The following DHX35 variants were observed in gnomAD, a reference collection of about 807,000 sequenced individuals.
DHX35 encodes probable ATP-dependent RNA helicase DHX35.
DHX35 carries 84 observed loss-of-function variants against 99.6 expected under a neutral mutation model. The observed-to-expected ratio is 0.84, with a 90% CI of 0.71 to 1.01. DHX35 has a LOEUF of 1.01. DHX35 is among the 50% of genes least tolerant of loss of function. The pLI is 0.00. For missense variants in DHX35, 852 were observed against 888.5 expected, an observed-to-expected ratio of 0.96 and a Z score of 0.52; for synonymous variants, 331 against 316.2, an observed-to-expected ratio of 1.05 and a Z score of -0.50.
chr20:38,970,469 G>A (rs988181952), intron 2 of DHX35, among the ~76,000 whole-genome samples: 2 of 152,206 alleles, frequency 1.3e-5, no homozygotes, highest in African/African-American at 4.8e-5. Flanking sequence ...TTCAGGAGAT[G>A]AAATGATAGG....
intron 1 of DHX35, among the ~76,000 whole-genome samples, chr20:38,963,406 A>G (rs1028857699): frequency 6.6e-6 from 1 of 152,206 alleles, no homozygotes; most frequent in Admixed American, 6.5e-5. Flanking sequence ...GACCATGCAT[A>G]TAAGTGATGT....
At chr20:39,036,726 C>CCAAAAAAAAAAAAAAA (rs1568767834) in intron 21 of DHX35, among the ~76,000 whole-genome samples, 8 of 51,664 alleles carry the variant, frequency 1.5e-4, no homozygotes, top group African/African-American at 5.5e-4. Flanking sequence ...ACTGTCCCCC[C>CCAAAAAAAAAAAAAAA]AAAAAAAAAA....
At position 38,984,841 on chromosome 20, in the gene DHX35, T is replaced by G. The variant is rs576986002; in HGVS notation, c.345+1065T>G. Among the ~76,000 whole-genome samples, 14 of 152,314 alleles carry G rather than the reference T, an allele frequency of 9.2e-5. 1 individual carries two copies. The South Asian group carries it at 2.7e-3, about 29-fold the overall frequency. On this transcript the variant is annotated intron_variant, in intron 4 of 21. Transcript: ENST00000252011. ...GTTATTTTCTATGGTTTTGCTAACC[T>G]TGAATTGCTTGTTTTGCTTTTATTT...
chr20:38,990,378 G>A (rs917499308), intron 5 of DHX35, among the ~76,000 whole-genome samples: 5 of 152,294 alleles, frequency 3.3e-5, no homozygotes, highest in Middle Eastern at 3.4e-3. Flanking sequence ...AATTCAGTAC[G>A]TTAAGAAGGC....
At chr20:39,022,039 T>C (rs1430608791) in intron 16 of DHX35, 104 bp downstream of exon 16, 1 of 1,099,852 alleles carries the variant, frequency 9.1e-7, no homozygotes, top group Non-Finnish European at 1.4e-6. Context: ...GCTGTACAAA[T>C]GTGATCTGCT....
Position 38,969,147 on chromosome 20 carries a change from C to T in DHX35, c.107C>T (p.Thr36Met), listed in dbSNP as rs778204329. Reference protein sequence around the residue: ...RQSLAENSGTTVVYNPYAALS... With the variant: ...RQSLAENSGTMVVYNPYAALS... Reference sequence around the variant, plus strand: ...AGTCTGGCTGAAAACTCTGGGACAACGGTTGTTTACAACCCTTATGCTGCC... The same window carrying T: ...AGTCTGGCTGAAAACTCTGGGACAATGGTTGTTTACAACCCTTATGCTGCC... Residue 36 changes from threonine (T) to methionine (M), a missense_variant, in exon 2 of 22, where the codon ACG (threonine) becomes ATG (methionine). Coordinates refer to ENST00000252011, the MANE Select transcript of DHX35 (RefSeq NM_021931.4). 83 of 1,613,792 alleles carry T rather than the reference C, an allele frequency of 5.1e-5. No individual in the cohort carries two copies. The East Asian group carries it at 6.7e-4, about 13-fold the overall frequency.
chr20:38,987,808 A>G (rs757905083), intron 4 of DHX35, among the ~76,000 whole-genome samples: 7 of 151,928 alleles, frequency 4.6e-5, no homozygotes, highest in Non-Finnish European at 1.0e-4. Flanking sequence ...TGGATTTTTT[A>G]TTGATCTTCT....
rs1313342639 is a variant in DHX35, at chr20:39,006,075, G to T, written c.1012-71G>T. 6 of 1,521,900 alleles carry T rather than the reference G, an allele frequency of 3.9e-6. No homozygotes were observed. In the East Asian group the frequency reaches 9.1e-5, roughly 23 times the overall value. 94.3% of individuals were successfully genotyped at this position (1,521,900 alleles called of 1,614,324 possible). A position where few individuals can be genotyped will look rare whatever the true frequency, so the allele number is the denominator to read the frequency against. On this transcript the variant is annotated intron_variant, in intron 11 of 21. Coordinates refer to ENST00000252011, the MANE Select transcript of DHX35 (RefSeq NM_021931.4). Reference sequence around the variant, plus strand: ...AATGTTGGAAATGTTAAATCTTTTAGGATTTTTACGAGTTTGTTAAAAGCA... The same window carrying T: ...AATGTTGGAAATGTTAAATCTTTTATGATTTTTACGAGTTTGTTAAAAGCA...
intron 14 of DHX35, among the ~76,000 whole-genome samples, chr20:39,017,187 A>G (rs772163872): frequency 9.2e-5 from 14 of 152,134 alleles, no homozygotes; most frequent in Non-Finnish European, 1.9e-4. Context: ...ATCCATTTTA[A>G]GTTACTTTTT....
At chr20:38,971,536 C>T (rs1328026259) in intron 2 of DHX35, among the ~76,000 whole-genome samples, 1 of 152,042 alleles carries the variant, frequency 6.6e-6, no homozygotes, top group Non-Finnish European at 1.5e-5. Flanking sequence ...TCTGTTTAGA[C>T]CCAGTCTTAT....
intron 1 of DHX35, among the ~76,000 whole-genome samples, chr20:38,964,880 T>G (rs2085888343): frequency 6.6e-6 from 1 of 152,140 alleles, no homozygotes; most frequent in African/African-American, 2.4e-5. Context: ...ACCTGGGAGC[T>G]TAGAGGAGGT....
intron 2 of DHX35, among the ~76,000 whole-genome samples, chr20:38,972,095 C>T (rs753602546): frequency 6.6e-6 from 1 of 151,028 alleles, no homozygotes; most frequent in Non-Finnish European, 1.5e-5. Context: ...TGCAGCCTCC[C>T]CCCGCCTGGG....
chr20:38,995,479 G>T (rs746584838), intron 8 of DHX35, among the ~76,000 whole-genome samples: 1 of 151,328 alleles, frequency 6.6e-6, no homozygotes, highest in African/African-American at 2.4e-5. Flanking sequence ...AGCTGAGATC[G>T]CTCCATTGCA....
intron 21 of DHX35, 35 bp downstream of exon 21, chr20:39,034,352 G>C: frequency 6.6e-7 from 1 of 1,513,208 alleles, no homozygotes; most frequent in South Asian, 1.1e-5. Flanking sequence ...CCAGCCACCT[G>C]TTCACAGCCT....
intron 3 of DHX35, 34 bp downstream of exon 3, chr20:38,972,685 C>G (rs768522732): frequency 6.8e-6 from 10 of 1,463,076 alleles, no homozygotes; most frequent in Non-Finnish European, 8.6e-6. Flanking sequence ...CTTTACACTT[C>G]GATTTGGCTG....
At chr20:38,993,118 G>C (rs528340987) in intron 7 of DHX35, among the ~76,000 whole-genome samples, 7,752 of 152,168 alleles carry the variant, frequency 0.051, 247 homozygotes, top group Non-Finnish European at 0.076. Context: ...GAAAGAAGTG[G>C]TAGAACAGGG....
chr20:38,980,528 A>G (rs891596463), intron 3 of DHX35, among the ~76,000 whole-genome samples: 3 of 104,998 alleles, frequency 2.9e-5, no homozygotes, highest in Admixed American at 9.5e-5. Context: ...TTTTTTTTGT[A>G]TTTGTGTTGA....
At position 39,025,226 on chromosome 20, in the gene DHX35, G is replaced by A; in HGVS notation, c.1672-4G>A. ...TAACTCCCTCTCTCTGGGTTGTTCT[G>A]TAGCACAATAAGGACTCTAAATGGT... On this transcript the variant is annotated splice_polypyrimidine_tract_variant and splice_region_variant and intron_variant, in intron 17 of 21. Transcript: ENST00000252011. 2.5e-6 allele frequency: 4 copies of A among 1,609,470 alleles called. No individual in the cohort carries two copies. Among genetic ancestry groups the A allele is most frequent in the Non-Finnish European group, 3.4e-6 (4 of 1,177,884 alleles).
At chr20:38,968,699 C>T (rs896822644) in intron 1 of DHX35, among the ~76,000 whole-genome samples, 6 of 152,124 alleles carry the variant, frequency 3.9e-5, no homozygotes, top group Non-Finnish European at 5.9e-5. Context: ...AGACACACAC[C>T]GCCATGCACG....
Sources: gnomAD v4.1 joint callset for allele counts (sites outside exome capture counted in the v4.1 genomes callset) on GRCh38, gnomAD v4.1.1 for gene constraint, MANE v1.5 for transcripts, NCBI Gene and HGNC (gene_info 2026-07-23, HGNC 2026-07-21) for gene names.